The following SF1 variants were observed in gnomAD, a reference collection of about 807,000 sequenced individuals.
SF1 encodes the protein splicing factor 1, also known as branch point-binding protein.
SF1 carries 7 observed loss-of-function variants against 62.5 expected under a neutral mutation model. The observed-to-expected ratio is 0.11, with a 90% CI of 0.06 to 0.21. SF1 has a LOEUF of 0.21. SF1 is among the 10% of genes least tolerant of loss of function. SF1 has a pLI of 1.00. For missense variants in SF1, 578 were observed against 884.0 expected, an observed-to-expected ratio of 0.65 and a Z score of 4.39; for synonymous variants, 394 against 323.6, an observed-to-expected ratio of 1.22 and a Z score of -2.33.
intron 3 of SF1, chr11:64,773,140 G>A (rs933394389): frequency 8.2e-7 from 1 of 1,222,846 alleles, no homozygotes; most frequent in Non-Finnish European, 1.0e-6. Flanking sequence ...CCACCTCACT[G>A]TCCCCTAAGG....
intron 1 of SF1, among the ~76,000 whole-genome samples, chr11:64,776,974 C>A (rs891033224): frequency 6.6e-6 from 1 of 152,094 alleles, no homozygotes; most frequent in Non-Finnish European, 1.5e-5. Flanking sequence ...CCAGGGGAGA[C>A]AAAAATACAC....
chr11:64,767,851 G>T lies in SF1; in HGVS notation c.1069-7C>A. 1 of 1,606,724 alleles carries T rather than the reference G, an allele frequency of 6.2e-7. No individual in the cohort carries two copies. Among genetic ancestry groups the T allele is most frequent in the Non-Finnish European group, 8.5e-7 (1 of 1,177,738 alleles). ...GGGTGGTAGACATGAGAGACTACGT[G>T]AGAGCATTTCCTGCCAACGTCCCTG... On this transcript the variant is annotated splice_polypyrimidine_tract_variant and splice_region_variant and intron_variant, in intron 9 of 12. Transcript: ENST00000377390.
At chr11:64,776,120 GTGA>G (rs1939198769) in intron 2 of SF1, 1 of 166,028 alleles carries the variant, frequency 6.0e-6, no homozygotes, top group African/African-American at 2.4e-5. Flanking sequence ...AGGCCACGCT[GTGA>G]AAAGTACTTG....
chr11:64,765,676 C>T lies in SF1; in HGVS notation c.*142G>A. ...CGAATCCTCAGTCGCTTGGCCCAGCCCAGTGCGTGCACACACACACATGCG... is the reference window on the plus strand; with the variant it reads ...CGAATCCTCAGTCGCTTGGCCCAGCTCAGTGCGTGCACACACACACATGCG... On this transcript the variant is annotated 3_prime_UTR_variant, in exon 13 of 13. Transcript: ENST00000377390. 4.1e-6 allele frequency: 6 copies of T among 1,472,554 alleles called. No individual in the cohort carries two copies. The highest frequency in any genetic ancestry group is 5.4e-6 in the Non-Finnish European group (6 of 1,116,286). The allele number at this position is 1,472,554 out of a possible 1,614,324, so 91.2% of individuals were successfully genotyped here.
chr11:64,773,397 G>A (rs1938628493), intron 3 of SF1, 33 bp downstream of exon 3: 3 of 1,609,244 alleles, frequency 1.9e-6, no homozygotes, highest in East Asian at 4.5e-5. Flanking sequence ...AGGTAAAAGC[G>A]TTACTGTCAG....
In SF1 at chr11:64,765,728, C is replaced by T; in HGVS notation, c.*90G>A. On this transcript the variant is annotated 3_prime_UTR_variant, in exon 13 of 13. Coordinates refer to ENST00000377390, the MANE Select transcript of SF1 (RefSeq NM_004630.4). ...GCACACACAATCACATGCGTGCGTC[C>T]CAATGTCTGGCTCCATATGGTGAGG... 1.4e-6 allele frequency: 2 copies of T among 1,465,946 alleles called. No individual in the cohort carries two copies. The highest frequency in any genetic ancestry group is 1.8e-6 in the Non-Finnish European group (2 of 1,109,828). 90.8% of individuals were successfully genotyped at this position (1,465,946 alleles called of 1,614,324 possible). A position where few individuals can be genotyped will look rare whatever the true frequency, so the allele number is the denominator to read the frequency against.
At position 64,769,944 on chromosome 11, in the gene SF1, A is replaced by G; in HGVS notation, c.479+20T>C. 1 of 1,567,192 alleles carries G rather than the reference A, an allele frequency of 6.4e-7. No homozygotes were observed. Among genetic ancestry groups the G allele is most frequent in the Non-Finnish European group, 8.8e-7 (1 of 1,137,472 alleles). On this transcript the variant is annotated intron_variant, in intron 5 of 12. Transcript: ENST00000377390. ...AGGCTCTAAAGGAATTCTATATCCT[A>G]TAGACCAGCAGTTACTCACCTGGGC...
chr11:64,771,731 A>G (rs1282035377), intron 3 of SF1: 5 of 985,322 alleles, frequency 5.1e-6, no homozygotes, highest in Non-Finnish European at 6.0e-6. Flanking sequence ...TAAGTCTACA[A>G]GAAAAGTTTT....
chr11:64,777,937 G>A (rs1425481145), intron 1 of SF1: 3 of 980,310 alleles, frequency 3.1e-6, no homozygotes, highest in Non-Finnish European at 3.6e-6. Context: ...CCCCTCAGGC[G>A]GCCGGGCCCG....
chr11:64,767,560 C>T lies in SF1; in HGVS notation c.1342+11G>A. 1 of 1,539,670 alleles carries T rather than the reference C, an allele frequency of 6.5e-7. No homozygotes were observed. The highest frequency in any genetic ancestry group is 8.7e-7 in the Non-Finnish European group (1 of 1,146,404). On this transcript the variant is annotated intron_variant, in intron 10 of 12. Coordinates refer to ENST00000377390, the MANE Select transcript of SF1 (RefSeq NM_004630.4). Reference sequence around the variant, plus strand: ...AAAGCCCCCAAGGTTTCTGGTCTGACACTTACTTACCCATTGGAGGAGGGC... The same window carrying T: ...AAAGCCCCCAAGGTTTCTGGTCTGATACTTACTTACCCATTGGAGGAGGGC...
Position 64,778,430 on chromosome 11 carries a change from T to G in SF1, c.-38A>C, listed in dbSNP as rs943245060. On this transcript the variant is annotated 5_prime_UTR_variant, in exon 1 of 13. Coordinates refer to ENST00000377390, the MANE Select transcript of SF1 (RefSeq NM_004630.4). ...GACAGGCACCGGCACCTGCTTTTCC[T>G]CTGCGGCGGCTTCTCCTTCGCAAGC... The G allele has an allele frequency of 1.6e-6, 2 of 1,220,882 alleles. No individual in the cohort carries two copies. Among genetic ancestry groups the G allele is most frequent in the Non-Finnish European group, 2.0e-6 (2 of 980,082 alleles). 75.6% of individuals were successfully genotyped at this position (1,220,882 alleles called of 1,614,324 possible).
intron 1 of SF1, chr11:64,777,377 GC>G: frequency 2.3e-6 from 1 of 433,050 alleles, no homozygotes; most frequent in Non-Finnish European, 3.1e-6. Flanking sequence ...AAGCGACAGG[GC>G]AGCCGATCAG....
rs539988113 is a variant in SF1 at position 64,772,869 on chromosome 11, C to T, written c.236+561G>A. ...AAAATAGGTGAGAATATTCTGGCCC[C>T]TCCCAACACCCCCAAGGCAATGGCC... is the stretch of plus-strand genomic sequence containing the variant. On this transcript the variant is annotated intron_variant, in intron 3 of 12. Transcript: ENST00000377390. The T allele has an allele frequency of 2.2e-5, 22 of 985,364 alleles. No homozygotes were observed. In the African/African-American group the frequency reaches 3.8e-4, roughly 17 times the overall value. 61.0% of individuals were successfully genotyped at this position (985,364 alleles called of 1,614,324 possible).
In SF1 at chr11:64,766,175, C is replaced by G. The variant is rs573653807; in HGVS notation, c.1583-20G>C. On this transcript the variant is annotated intron_variant, in intron 12 of 12. Coordinates refer to ENST00000377390, the MANE Select transcript of SF1 (RefSeq NM_004630.4). ...TCGTATCTGGGGTGGTAAAGAAGCC[C>G]AAGGTCACACGCGCGGGGGCACACC... 3.1e-6 allele frequency: 5 copies of G among 1,598,650 alleles called. No homozygotes were observed. Among genetic ancestry groups the G allele is most frequent in the Non-Finnish European group, 4.2e-6 (5 of 1,177,884 alleles).
intron 3 of SF1, chr11:64,771,687 T>C (rs1242560710): frequency 1.5e-5 from 15 of 985,268 alleles, no homozygotes; most frequent in African/African-American, 1.7e-5. Context: ...AAAGCAAACA[T>C]ACCCCAGCTC....
In SF1 at chr11:64,777,779, C is replaced by T. The variant is rs144721728; in HGVS notation, c.31+583G>A. ...CTGCGTCTGCGCACAGAGCGCCTCC[C>T]GCCCGCCCAGCCCTCCCCCCACAGC... On this transcript the variant is annotated intron_variant, in intron 1 of 12. Transcript: ENST00000377390. The T allele has an allele frequency of 1.9e-3, 1,790 of 954,376 alleles. 28 individuals are homozygous for T. In the African/African-American group the frequency reaches 0.03, roughly 16 times the overall value. 59.1% of individuals were successfully genotyped at this position (954,376 alleles called of 1,614,324 possible).
Position 64,765,496 on chromosome 11 carries a change from C to A in SF1, c.*322G>T. 6.2e-7 allele frequency: 1 copy of A among 1,611,976 alleles called. No homozygotes were observed. Among genetic ancestry groups the A allele is most frequent in the South Asian group, 1.1e-5 (1 of 90,846 alleles). On this transcript the variant is annotated 3_prime_UTR_variant, in exon 13 of 13. Transcript: ENST00000377390. The stretch of plus-strand genomic sequence containing the variant: ...AAGTCCTCACTCTCATGGCTCGGGC[C>A]ATCGCCGCCGCGGGGAGGGATCCTG...
intron 1 of SF1, chr11:64,777,750 C>T (rs1303030996): frequency 6.1e-6 from 6 of 985,504 alleles, no homozygotes; most frequent in Non-Finnish European, 7.2e-6. Context: ...GCCCGGCCAC[C>T]TCACTGCGTC....
chr11:64,773,264 T>C (rs2135950186), intron 3 of SF1, 166 bp downstream of exon 3: 8 of 1,430,830 alleles, frequency 5.6e-6, no homozygotes, highest in East Asian at 5.7e-5. Flanking sequence ...TTTCTAACTG[T>C]TGACTGACCA....
Sources: gnomAD v4.1 joint callset for allele counts (sites outside exome capture counted in the v4.1 genomes callset) on GRCh38, gnomAD v4.1.1 for gene constraint, MANE v1.5 for transcripts, NCBI Gene and HGNC (gene_info 2026-07-23, HGNC 2026-07-21) for gene names.